The following DLG2 variants were observed in gnomAD, a reference collection of about 807,000 sequenced individuals.
The protein encoded by DLG2 is discs large MAGUK scaffold protein 2.
A neutral mutation model predicts 132.5 loss-of-function variants in DLG2; 45 were observed. That is an observed-to-expected ratio of 0.34 (90% CI 0.27 to 0.44). DLG2 has a LOEUF of 0.44. Among genes scored for constraint, DLG2 ranks in the 20% least tolerant of loss-of-function variants. The pLI, the probability that DLG2 is intolerant of heterozygous loss-of-function variation, is 1.00. For missense variants in DLG2, 1,045 were observed against 1,196.9 expected (o/e 0.87, Z 1.87); for synonymous variants, 424 against 419.6 (o/e 1.01, Z -0.13).
At chr11:84,268,259 C>T (rs527239689) in intron 7 of DLG2, among the ~76,000 whole-genome samples, 84 of 152,266 alleles carry the variant, frequency 5.5e-4, no homozygotes, top group Non-Finnish European at 9.4e-4. Context: ...GATCACTCTT[C>T]CCTTGCTGCA....
At chr11:85,338,519 C>T (rs1170630463) in intron 3 of DLG2, among the ~76,000 whole-genome samples, 1 of 151,846 alleles carries the variant, frequency 6.6e-6, no homozygotes, top group Non-Finnish European at 1.5e-5. Context: ...AATCTATATC[C>T]TGGTTAGTGT....
intron 3 of DLG2, among the ~76,000 whole-genome samples, chr11:85,393,386 A>C (rs971731679): frequency 6.6e-6 from 1 of 152,298 alleles, no homozygotes; most frequent in South Asian, 2.1e-4. Flanking sequence ...AATGTAATAC[A>C]ACTACTATGG....
chr11:84,316,927 C>A, intron 7 of DLG2: 2 of 1,612,876 alleles, frequency 1.2e-6, no homozygotes, highest in East Asian at 4.5e-5. Flanking sequence ...CACTGTCCCA[C>A]AAGGTCCTGT....
chr11:83,841,316 C>T (rs1319083401), intron 16 of DLG2, among the ~76,000 whole-genome samples: 1 of 152,138 alleles, frequency 6.6e-6, no homozygotes, highest in Non-Finnish European at 1.5e-5. Flanking sequence ...TATTCATCAT[C>T]CAGAATTCAT....
intron 8 of DLG2, among the ~76,000 whole-genome samples, chr11:84,235,513 T>G (rs2097146929): frequency 6.6e-6 from 1 of 152,094 alleles, no homozygotes; most frequent in Non-Finnish European, 1.5e-5. Flanking sequence ...CACTGTACTC[T>G]AGTCTAGGTG....
chr11:85,531,320 A>G (rs2075194733), intron 3 of DLG2, among the ~76,000 whole-genome samples: 1 of 152,212 alleles, frequency 6.6e-6, no homozygotes. Flanking sequence ...TTAGTACAGG[A>G]GCATGAAGCA....
At chr11:84,234,669 C>A (rs181756846) in intron 8 of DLG2, among the ~76,000 whole-genome samples, 10 of 152,178 alleles carry the variant, frequency 6.6e-5, no homozygotes, top group African/African-American at 2.4e-4. Flanking sequence ...TTCATTAATC[C>A]CTCCTCCTCC....
chr11:84,171,906 A>G (rs1429617558), intron 8 of DLG2, among the ~76,000 whole-genome samples: 2 of 152,152 alleles, frequency 1.3e-5, no homozygotes, highest in Admixed American at 6.6e-5. Context: ...ACCACCTTTA[A>G]CTAATGTCCC....
rs74841568 is a variant in DLG2, at chr11:83,897,687, G to A, written c.1497-23199C>T. Among the ~76,000 whole-genome samples, 639 of 152,044 alleles carry A rather than the reference G, an allele frequency of 4.2e-3. 4 individuals carry two copies. The highest frequency in any genetic ancestry group is 0.015 in the African/African-American group (611 of 41,478). ...TATTTACTGAATGTTCTATGTACAA[G>A]TACTCTCTAGGACCCAAAGATAAAG... On this transcript the variant is annotated intron_variant, in intron 15 of 27. Coordinates refer to ENST00000376104, the MANE Select transcript of DLG2 (RefSeq NM_001142699.3).
intron 8 of DLG2, among the ~76,000 whole-genome samples, chr11:84,193,464 C>T (rs1426697681): frequency 6.6e-6 from 1 of 152,138 alleles, no homozygotes; most frequent in Non-Finnish European, 1.5e-5. Context: ...GAAAACAGTG[C>T]TTAGAAGAAT....
chr11:83,756,053 T>C (rs1719696709), intron 18 of DLG2, among the ~76,000 whole-genome samples: 1 of 151,490 alleles, frequency 6.6e-6, no homozygotes, highest in South Asian at 2.1e-4. Flanking sequence ...TTAATTCTTC[T>C]TAACTAATCC....
chr11:83,480,332 A>G (rs2137189228), intron 22 of DLG2: 3 of 1,508,816 alleles, frequency 2.0e-6, no homozygotes, highest in South Asian at 1.2e-5. Flanking sequence ...CAATGGGGCA[A>G]TTGCAAAGAA....
intron 11 of DLG2, among the ~76,000 whole-genome samples, chr11:84,050,228 G>A (rs1166899755): frequency 2.0e-5 from 3 of 150,578 alleles, no homozygotes; most frequent in East Asian, 2.0e-4. Context: ...TAGAAGATAT[G>A]TGTTGGTATG....
rs562596471 is a variant in DLG2, at chr11:83,463,197, A to G, written c.2730-1104T>C. 9.4e-4 allele frequency among the ~76,000 whole-genome samples: 143 copies of G among 152,026 alleles called. 2 individuals are homozygous for G. Among genetic ancestry groups the G allele is most frequent in the South Asian group, 8.9e-3 (43 of 4,808 alleles). ...CTCAAGGTTTTGGTTTTTTAAACCA[A>G]TTTTCAGTTAGACTTCCTATTATAC... On this transcript the variant is annotated intron_variant, in intron 26 of 27. Coordinates refer to ENST00000376104, the MANE Select transcript of DLG2 (RefSeq NM_001142699.3).
At chr11:83,735,441 T>C (rs1356658547) in intron 18 of DLG2, among the ~76,000 whole-genome samples, 1 of 152,186 alleles carries the variant, frequency 6.6e-6, no homozygotes, top group Non-Finnish European at 1.5e-5. Flanking sequence ...CTCAGTGTTT[T>C]CTTTAATTGG....
At chr11:85,067,957 T>C (rs1223057294) in intron 6 of DLG2, among the ~76,000 whole-genome samples, 2 of 152,026 alleles carry the variant, frequency 1.3e-5, no homozygotes, top group Admixed American at 6.6e-5. Flanking sequence ...TCCACCATGA[T>C]CAAGTGGGCT....
chr11:85,130,151 C>A (rs937179812), intron 5 of DLG2, among the ~76,000 whole-genome samples: 1 of 152,064 alleles, frequency 6.6e-6, no homozygotes, highest in Non-Finnish European at 1.5e-5. Flanking sequence ...CACATGTATA[C>A]CTGTGTAACA....
intron 6 of DLG2, among the ~76,000 whole-genome samples, chr11:84,576,785 G>A (rs543994769): frequency 5.5e-4 from 84 of 152,092 alleles, no homozygotes; most frequent in Non-Finnish European, 1.1e-3. Context: ...TGGATTTTTA[G>A]TATCTTAATT....
intron 3 of DLG2, among the ~76,000 whole-genome samples, chr11:85,582,934 A>G (rs562238833): frequency 7.4e-5 from 11 of 148,360 alleles, no homozygotes; most frequent in African/African-American, 2.5e-4. Context: ...TTGCAAATAT[A>G]TATTCCTGCA....
Sources: allele counts gnomAD v4.1 joint callset (sites outside exome capture counted in the v4.1 genomes callset), GRCh38; gene constraint gnomAD v4.1.1; transcripts MANE v1.5; gene names NCBI Gene and HGNC (gene_info 2026-07-23, HGNC 2026-07-21).